DOCK10: variants seen among roughly 807,000 people sequenced by gnomAD.
The protein encoded by DOCK10 is dedicator of cytokinesis protein 10.
In DOCK10, 145 loss-of-function variants were observed where a neutral mutation model predicts 280.1. The ratio of observed to expected loss-of-function variants is 0.52; its 90% CI spans 0.45 to 0.59. DOCK10 has a LOEUF of 0.59. Among genes scored for constraint, DOCK10 ranks in the 20% least tolerant of loss-of-function variants. The probability of loss-of-function intolerance (pLI) is 0.00; values close to 1 mark genes in which losing one functional copy is unlikely to be tolerated. For synonymous variants in DOCK10, 915 were observed against 942.2 expected (o/e 0.97, Z 0.53); for missense variants, 2,368 against 2,651.7 (o/e 0.89, Z 2.35).
intron 55 of DOCK10, among the ~76,000 whole-genome samples, chr2:224,769,098 C>G (rs779214240): frequency 2.0e-5 from 3 of 152,096 alleles, no homozygotes; most frequent in Non-Finnish European, 4.4e-5. Flanking sequence ...ATGATTTTCC[C>G]CATTCTATCA....
intron 22 of DOCK10, 23 bp downstream of exon 22, chr2:224,844,729 AG>A (rs1450918117): frequency 4.2e-6 from 6 of 1,415,158 alleles, no homozygotes; most frequent in Non-Finnish European, 5.9e-6. Flanking sequence ...AGAAGATGCT[AG>A]TATTTCAGGT....
chr2:225,032,190 G>T (rs992172211), intron 1 of DOCK10, among the ~76,000 whole-genome samples: 2 of 152,096 alleles, frequency 1.3e-5, no homozygotes, highest in East Asian at 3.8e-4. Context: ...GAAGGTCTTG[G>T]TGTCCAACTC....
intron 1 of DOCK10, among the ~76,000 whole-genome samples, chr2:224,980,672 T>G (rs1705698883): frequency 6.6e-6 from 1 of 152,242 alleles, no homozygotes; most frequent in Admixed American, 6.5e-5. Context: ...AAATTCAGTT[T>G]ATCGGTTATC....
rs547985109 is a variant in DOCK10 at position 224,949,357 on chromosome 2, A to G, written c.124-17689T>C. On this transcript the variant is annotated intron_variant, in intron 1 of 55. Coordinates refer to ENST00000258390, the MANE Select transcript of DOCK10 (RefSeq NM_014689.3). ...GAGATTTGTTGGCTTAGTTACAAGG[A>G]GATGCCTCCAAGTTCATTAGAAAAG... Among the ~76,000 whole-genome samples, 5 of 152,364 alleles carry G rather than the reference A, an allele frequency of 3.3e-5. No homozygotes were observed. In the South Asian group the frequency reaches 1.0e-3, roughly 32 times the overall value.
intron 1 of DOCK10, among the ~76,000 whole-genome samples, chr2:224,935,342 A>T (rs943398161): frequency 2.0e-5 from 3 of 152,250 alleles, no homozygotes; most frequent in Non-Finnish European, 4.4e-5. Flanking sequence ...ACTAAAAATT[A>T]CATGGCTGAA....
chr2:224,778,101 A>G (rs541560756), intron 51 of DOCK10, 37 bp downstream of exon 51: 9 of 1,597,138 alleles, frequency 5.6e-6, no homozygotes, highest in East Asian at 2.2e-5. Flanking sequence ...AACTCAGTCA[A>G]TTCTTAGCAC....
chr2:224,936,274 G>A lies in DOCK10; in HGVS notation c.124-4606C>T, dbSNP rs75294092. On this transcript the variant is annotated intron_variant, in intron 1 of 55. Coordinates refer to ENST00000258390, the MANE Select transcript of DOCK10 (RefSeq NM_014689.3). ...AACTCACAATATTTTGCATATAATT[G>A]GCTTTTCTTTTTGGAAAACACGAAG... Among the ~76,000 whole-genome samples, 12 of 152,234 alleles carry A rather than the reference G, an allele frequency of 7.9e-5. No homozygotes were observed. In the East Asian group the frequency reaches 2.3e-3, roughly 29 times the overall value.
At chr2:224,886,298 T>C (rs1017432586) in intron 5 of DOCK10, 113 bp from the exon 6 acceptor site, 3 of 1,521,140 alleles carry the variant, frequency 2.0e-6, no homozygotes, top group South Asian at 1.2e-5. Context: ...TAAATAAGCA[T>C]GTTCAATTTC....
chr2:225,019,552 C>G (rs1689730005), intron 1 of DOCK10, among the ~76,000 whole-genome samples: 1 of 151,564 alleles, frequency 6.6e-6, no homozygotes, highest in African/African-American at 2.4e-5. Context: ...TCTGGTGCTC[C>G]TGGCATCTAC....
intron 1 of DOCK10, among the ~76,000 whole-genome samples, chr2:224,992,534 T>C (rs1433668765): frequency 6.6e-6 from 1 of 152,242 alleles, no homozygotes; most frequent in Admixed American, 6.5e-5. Context: ...CCAGCAGGAA[T>C]AGGAGAAGTG....
chr2:225,038,546 T>C (rs1277234753), intron 1 of DOCK10, among the ~76,000 whole-genome samples: 1 of 152,174 alleles, frequency 6.6e-6, no homozygotes, highest in African/African-American at 2.4e-5. Context: ...TTCCCCTCTT[T>C]ACCCCTTACA....
chr2:224,919,184 T>A (rs1219157317), intron 2 of DOCK10, among the ~76,000 whole-genome samples: 3 of 146,112 alleles, frequency 2.1e-5, no homozygotes, highest in African/African-American at 7.7e-5. Context: ...ATGTGTGTGA[T>A]GTGTATGTGT....
intron 37 of DOCK10, 104 bp downstream of exon 37, chr2:224,804,954 A>G (rs1693288272): frequency 3.2e-6 from 4 of 1,247,876 alleles, no homozygotes; most frequent in Non-Finnish European, 3.3e-6. Context: ...TAGTTCATAT[A>G]TTATTGATAA....
chr2:224,821,369 G>C (rs1376671572), intron 28 of DOCK10, among the ~76,000 whole-genome samples: 1 of 152,126 alleles, frequency 6.6e-6, no homozygotes, highest in Non-Finnish European at 1.5e-5. Flanking sequence ...AGCCCCAATT[G>C]AGCAAATAAC....
chr2:224,789,126 T>G lies in DOCK10; in HGVS notation c.5356A>C (p.Asn1786His). 3 of 1,613,774 alleles carry G rather than the reference T, an allele frequency of 1.9e-6. No homozygotes were observed. Among genetic ancestry groups the G allele is most frequent in the Non-Finnish European group, 2.5e-6 (3 of 1,179,798 alleles). ...GWPAFLSITPNIKEEGAMKED... is the reference protein window; with the variant it reads ...GWPAFLSITPHIKEEGAMKED... ...TTCATCGCTCCTTCTTCCTTAATGT[T>G]TGGTGTAATGCTCAAAAAAGCTGGC... is the stretch of plus-strand genomic sequence containing the variant. Residue 1786 changes from asparagine (N) to histidine (H), a missense_variant, in exon 48 of 56, where the codon AAC (asparagine) becomes CAC (histidine). Asn to His is a moderately conservative substitution (Grantham distance 68). This residue lies in a region of DOCK10 where 1,159 missense variants were observed against 1,400.8 expected (regional missense o/e 0.83). Coordinates refer to ENST00000258390, the MANE Select transcript of DOCK10 (RefSeq NM_014689.3).
chr2:224,766,066 G>C (rs1216325284), intron 55 of DOCK10, among the ~76,000 whole-genome samples: 2 of 152,054 alleles, frequency 1.3e-5, no homozygotes, highest in Non-Finnish European at 2.9e-5. Context: ...TCTGCTATCT[G>C]ACATAAATTT....
chr2:224,902,131 C>T (rs753353978), intron 3 of DOCK10, among the ~76,000 whole-genome samples: 1 of 152,176 alleles, frequency 6.6e-6, no homozygotes, highest in Non-Finnish European at 1.5e-5. Context: ...TTCCTCTGCT[C>T]CAGATAATCA....
intron 1 of DOCK10, among the ~76,000 whole-genome samples, chr2:225,018,342 T>C (rs1689673722): frequency 6.6e-6 from 1 of 151,436 alleles, no homozygotes; most frequent in African/African-American, 2.4e-5. Flanking sequence ...AGGACTGAAA[T>C]AGGGGCCGAG....
intron 48 of DOCK10, 97 bp from the exon 49 acceptor site, chr2:224,787,494 CCT>C (rs1359418203): frequency 5.4e-6 from 8 of 1,484,540 alleles, no homozygotes; most frequent in Non-Finnish European, 5.5e-6. Flanking sequence ...CAAACTTTTC[CCT>C]CTGTTACTGG....
Sources: gnomAD v4.1 joint callset for allele counts (sites outside exome capture counted in the v4.1 genomes callset) on GRCh38, gnomAD v4.1.1 for gene constraint, gnomAD v4.1.1 regional missense constraint, MANE v1.5 for transcripts, NCBI Gene and HGNC (gene_info 2026-07-23, HGNC 2026-07-21) for gene names.